VASH2: variants seen among roughly 807,000 people sequenced by gnomAD.
VASH2 encodes tubulinyl-Tyr carboxypeptidase 2.
In VASH2, 28 loss-of-function variants were observed where a neutral mutation model predicts 37.2. The ratio of observed to expected loss-of-function variants is 0.75; its 90% CI spans 0.56 to 1.03. The LOEUF (loss-of-function observed/expected upper bound fraction) is 1.03. Ranked by LOEUF, VASH2 falls within the 50% of genes least tolerant of loss-of-function variation. The probability of loss-of-function intolerance (pLI) is 0.00; values close to 1 mark genes in which losing one functional copy is unlikely to be tolerated. For synonymous variants in VASH2, 188 were observed against 174.7 expected, an observed-to-expected ratio of 1.08 and a Z score of -0.60; for missense variants, 419 against 459.1, an observed-to-expected ratio of 0.91 and a Z score of 0.80.
Position 212,974,046 on chromosome 1 carries a change from G to A in VASH2, c.971G>A (p.Arg324Lys), listed in dbSNP as rs1426841019. Residue 324 changes from arginine to lysine, a missense_variant, in exon 7 of 8, where the codon AGG becomes AAG. Transcript: ENST00000517399. ...SPRRRQASPP[R>K]RLGRREKSPA... is the part of the protein sequence containing the mutation. ...AGAAGGAGACAGGCAAGCCCCCCGA[G>A]GAGGCTCGGCCGGCGAGAGAAGTCG... The A allele has an allele frequency of 1.2e-6, 2 of 1,613,362 alleles. No homozygotes were observed. The highest frequency in any genetic ancestry group is 2.2e-5 in the East Asian group (1 of 44,870).
chr1:212,961,463 T>C (rs1666674658), intron 3 of VASH2: 9 of 1,076,568 alleles, frequency 8.4e-6, no homozygotes, highest in Non-Finnish European at 8.9e-6. Context: ...CTGGTTCCCC[T>C]TGAGCCCTTC....
intron 3 of VASH2, among the ~76,000 whole-genome samples, chr1:212,965,072 C>T (rs1394370848): frequency 6.6e-6 from 1 of 152,192 alleles, no homozygotes; most frequent in Non-Finnish European, 1.5e-5. Context: ...AGGCCCATGC[C>T]ATTACACTTG....
intron 6 of VASH2, 66 bp downstream of exon 6, chr1:212,973,027 C>G: frequency 6.4e-7 from 1 of 1,555,668 alleles, no homozygotes; most frequent in South Asian, 1.2e-5. Context: ...CTCTCTGTCT[C>G]TTGCTCCAGG....
chr1:212,982,642 G>A (rs1469556085), intron 7 of VASH2, among the ~76,000 whole-genome samples: 1 of 150,792 alleles, frequency 6.6e-6, no homozygotes, highest in Non-Finnish European at 1.5e-5. Context: ...CAGGCAGGTG[G>A]CATGCTGTGA....
chr1:212,968,437 T>C, intron 5 of VASH2: 1 of 985,532 alleles, frequency 1.0e-6, no homozygotes, highest in Non-Finnish European at 1.2e-6. Flanking sequence ...TAGTCTGTTT[T>C]CTGGGTCTCC....
Position 212,951,989 on chromosome 1 carries a change from G to C in VASH2, c.276+171G>C. Among the ~76,000 whole-genome samples the C allele has an allele frequency of 6.6e-6, 1 of 152,150 alleles. No homozygotes were observed. The highest frequency in any genetic ancestry group is 1.9e-4 in the East Asian group (1 of 5,192). On this transcript the variant is annotated intron_variant, in intron 2 of 7. Transcript: ENST00000517399. This position sits in a 1 kb window ranked among gnomAD's most constrained non-coding sequence, Gnocchi z 4.4. ...AGCCCTTTTCTAATTGAGATATTTA[G>C]ATTGGAAGCCTAAGAAATGGGGAAG...
chr1:212,969,780 T>G (rs1228046998), intron 5 of VASH2, among the ~76,000 whole-genome samples: 1 of 152,354 alleles, frequency 6.6e-6, no homozygotes, highest in Middle Eastern at 3.4e-3. Flanking sequence ...TTCATCCGTC[T>G]GTGTCTCCCA....
At chr1:212,973,079 GTC>G in intron 6 of VASH2, 118 bp downstream of exon 6, 2 of 1,332,064 alleles carry the variant, frequency 1.5e-6, no homozygotes, top group Non-Finnish European at 1.0e-6. Context: ...TGAGGTTAAA[GTC>G]TCTCTTTGCA....
chr1:212,961,596 G>A (rs1666678747), intron 3 of VASH2, among the ~76,000 whole-genome samples: 1 of 151,780 alleles, frequency 6.6e-6, no homozygotes. Context: ...CCCTCCTCCT[G>A]TTCTCCTTCA....
intron 2 of VASH2, among the ~76,000 whole-genome samples, chr1:212,952,219 T>C (rs1666335787): frequency 6.6e-6 from 1 of 152,206 alleles, no homozygotes; most frequent in South Asian, 2.1e-4. Flanking sequence ...AGTGTCTTGC[T>C]CCTCCTCTGC....
intron 2 of VASH2, among the ~76,000 whole-genome samples, chr1:212,953,123 A>T (rs1483398637): frequency 1.3e-5 from 2 of 152,188 alleles, no homozygotes; most frequent in Non-Finnish European, 2.9e-5. Context: ...CCACAAGGAA[A>T]AAAACGCCTG....
At chr1:212,972,442 G>A (rs1350279844) in intron 5 of VASH2, 138 bp from the exon 6 acceptor site, 1 of 981,234 alleles carries the variant, frequency 1.0e-6, no homozygotes, top group South Asian at 1.6e-5. Context: ...AAAAGGATTA[G>A]TCTGGAAAAG....
intron 5 of VASH2, chr1:212,969,025 C>T (rs1666927837): frequency 1.0e-6 from 1 of 985,320 alleles, no homozygotes; most frequent in Non-Finnish European, 1.2e-6. Flanking sequence ...CAGGAACAGC[C>T]TTTGAGCCTG....
At chr1:212,981,975 G>C (rs1050000645) in intron 7 of VASH2, among the ~76,000 whole-genome samples, 4 of 152,258 alleles carry the variant, frequency 2.6e-5, no homozygotes, top group African/African-American at 9.6e-5. Flanking sequence ...CTGCCTCAGA[G>C]TGTGAAGGAC....
chr1:212,969,117 G>A (rs1205536167), intron 5 of VASH2: 2 of 985,316 alleles, frequency 2.0e-6, no homozygotes, highest in East Asian at 1.1e-4. Context: ...AAGGTGGAGA[G>A]CTTCAGTTCA....
rs376555458 is a variant in VASH2, at chr1:212,967,245, T to C, written c.497+900T>C. The C allele has an allele frequency of 7.6e-5, 99 of 1,296,902 alleles. No homozygotes were observed. The East Asian group carries it at 3.1e-3, about 40-fold the overall frequency. 80.3% of individuals were successfully genotyped at this position (1,296,902 alleles called of 1,614,324 possible). A position where few individuals can be genotyped will look rare whatever the true frequency, so the allele number is the denominator to read the frequency against. ...GATGGCATCGACATATTGGTGGTGA[T>C]GACCACCTCCCTTACACAATAGTCT... is the stretch of plus-strand genomic sequence containing the variant. On this transcript the variant is annotated intron_variant, in intron 5 of 7. Transcript: ENST00000517399.
intron 6 of VASH2, chr1:212,973,316 G>GA: frequency 8.5e-7 from 1 of 1,178,498 alleles, no homozygotes; most frequent in Non-Finnish European, 1.1e-6. Context: ...TTAAAACCTG[G>GA]AAAACCTTAT....
At chr1:212,972,439 T>G in intron 5 of VASH2, 141 bp from the exon 6 acceptor site, 1 of 933,002 alleles carries the variant, frequency 1.1e-6, no homozygotes, top group Non-Finnish European at 1.6e-6. Context: ...TATAAAAGGA[T>G]TAGTCTGGAA....
chr1:212,973,544 A>G (rs1667074336), intron 6 of VASH2: 3 of 1,288,300 alleles, frequency 2.3e-6, no homozygotes, highest in Admixed American at 2.3e-5. Flanking sequence ...GATCAATTAA[A>G]ACCATTCTGT....
Sources: gnomAD v4.1 joint callset for allele counts (sites outside exome capture counted in the v4.1 genomes callset) on GRCh38, gnomAD v4.1.1 for gene constraint, Gnocchi (gnomAD v3.1) non-coding constraint, MANE v1.5 for transcripts, NCBI Gene and HGNC (gene_info 2026-07-23, HGNC 2026-07-21) for gene names.